The following FAM177A1 variants were observed in gnomAD, a reference collection of about 807,000 sequenced individuals.
FAM177A1 encodes family with sequence similarity 177 member A1.
In FAM177A1, 22 loss-of-function variants were observed where a neutral mutation model predicts 26.1. That is an observed-to-expected ratio of 0.84 (90% CI 0.60 to 1.20). The LOEUF (loss-of-function observed/expected upper bound fraction) is 1.20, where lower values mean the gene tolerates loss of function less well. Among genes scored for constraint, FAM177A1 ranks in the 50% most tolerant of loss-of-function variants. FAM177A1 has a pLI of 0.00. For synonymous variants in FAM177A1, 95 were observed against 99.3 expected, an observed-to-expected ratio of 0.96 and a Z score of 0.26; for missense variants, 296 against 291.1, an observed-to-expected ratio of 1.02 and a Z score of -0.12.
chr14:35,059,355 A>G (rs1299474659), intron 2 of FAM177A1, among the ~76,000 whole-genome samples: 3 of 152,018 alleles, frequency 2.0e-5, no homozygotes, highest in Non-Finnish European at 4.4e-5. Flanking sequence ...TTTTAATCCA[A>G]TCTAACAATC....
At chr14:35,055,402 A>G (rs1427616694) in intron 2 of FAM177A1, among the ~76,000 whole-genome samples, 1 of 151,654 alleles carries the variant, frequency 6.6e-6, no homozygotes, top group Admixed American at 6.6e-5. Context: ...TATTAGGGGT[A>G]CATAACTAGG....
upstream of FAM177A1, chr14:35,046,237 G>GCCCCGCCCCT (rs2044857987): frequency 2.4e-6 from 1 of 409,396 alleles, no homozygotes; most frequent in South Asian, 5.6e-5. Flanking sequence ...GCCCCGCCCC[G>GCCCCGCCCCT]CCCCGCCCCG....
Position 35,077,271 on chromosome 14 carries a change from G to C in FAM177A1, c.406+55G>C. 2.7e-6 allele frequency: 4 copies of C among 1,495,482 alleles called. No individual in the cohort carries two copies. The South Asian group carries it at 4.5e-5, about 17-fold the overall frequency. The allele number at this position is 1,495,482 out of a possible 1,614,324, so 92.6% of individuals were successfully genotyped here. Reference sequence around the variant, plus strand: ...ATTGCTGTAACATGCTTCAGCAACAGGAACTTTGCTAAATAGGATGTTTCC... The same window carrying C: ...ATTGCTGTAACATGCTTCAGCAACACGAACTTTGCTAAATAGGATGTTTCC... On this transcript the variant is annotated intron_variant, in intron 3 of 4. Coordinates refer to ENST00000280987, the MANE Select transcript of FAM177A1 (RefSeq NM_173607.5).
chr14:35,067,713 AT>A (rs770180666), intron 2 of FAM177A1, among the ~76,000 whole-genome samples: 28 of 152,242 alleles, frequency 1.8e-4, no homozygotes, highest in South Asian at 4.1e-4. Flanking sequence ...TTTTGATAAT[AT>A]CCATTTTGAC....
intron 2 of FAM177A1, among the ~76,000 whole-genome samples, chr14:35,070,681 A>G (rs763000750): frequency 6.6e-6 from 1 of 152,190 alleles, no homozygotes; most frequent in Non-Finnish European, 1.5e-5. Context: ...TTTATAGGCA[A>G]ATTTTCTAGT....
At chr14:35,066,012 G>A (rs1172312788) in intron 2 of FAM177A1, among the ~76,000 whole-genome samples, 4 of 151,578 alleles carry the variant, frequency 2.6e-5, no homozygotes, top group African/African-American at 9.7e-5. Flanking sequence ...TAGAAACAAA[G>A]TATTAAAGCC....
chr14:35,063,124 G>A (rs983947474), intron 2 of FAM177A1, among the ~76,000 whole-genome samples: 2 of 132,294 alleles, frequency 1.5e-5, no homozygotes, highest in Admixed American at 8.5e-5. Context: ...TCGCGCCACT[G>A]CACTCCAGCC....
upstream of FAM177A1, chr14:35,045,288 T>C (rs1381767935): frequency 6.6e-6 from 1 of 152,218 alleles, no homozygotes; most frequent in African/African-American, 2.4e-5. Flanking sequence ...AAGGCGTAGA[T>C]GGTTTTCAAA....
chr14:35,079,395 C>T (rs951500881), intron 4 of FAM177A1, among the ~76,000 whole-genome samples: 1 of 152,048 alleles, frequency 6.6e-6, no homozygotes, highest in African/African-American at 2.4e-5. Context: ...GGGTTTGGCA[C>T]AGATAAAAAT....
At position 35,082,343 on chromosome 14, in the gene FAM177A1, GTC is replaced by G. The variant is rs2138578918; in HGVS notation, c.*1119_*1120del. The G allele has an allele frequency of 6.6e-6, 1 of 152,124 alleles. No individual in the cohort carries two copies. The highest frequency in any genetic ancestry group is 1.5e-5 in the Non-Finnish European group (1 of 68,052). 9.4% of individuals were successfully genotyped at this position (152,124 alleles called of 1,614,324 possible). A position where few individuals can be genotyped will look rare whatever the true frequency, so the allele number is the denominator to read the frequency against. The stretch of plus-strand genomic sequence containing the variant: ...AGCCTGGCCAACGTAGTGAAACCCC[GTC>G]TCTACAAAAATACAAAAATTAGCCA... On this transcript the variant is annotated 3_prime_UTR_variant, in exon 5 of 5. Coordinates refer to ENST00000280987, the MANE Select transcript of FAM177A1 (RefSeq NM_173607.5).
chr14:35,071,533 T>C (rs964384888), intron 2 of FAM177A1, among the ~76,000 whole-genome samples: 1 of 152,166 alleles, frequency 6.6e-6, no homozygotes, highest in East Asian at 1.9e-4. Context: ...AATTCTGGCA[T>C]AGACTCTAGC....
At chr14:35,068,296 A>G (rs1015746435) in intron 2 of FAM177A1, among the ~76,000 whole-genome samples, 1 of 152,190 alleles carries the variant, frequency 6.6e-6, no homozygotes, top group Non-Finnish European at 1.5e-5. Context: ...ATAGCAGGTA[A>G]CCATAAAACT....
chr14:35,068,479 T>C (rs1320490622), intron 2 of FAM177A1, among the ~76,000 whole-genome samples: 1 of 152,210 alleles, frequency 6.6e-6, no homozygotes, highest in Non-Finnish European at 1.5e-5. Flanking sequence ...GTTTAGCCAA[T>C]GTGAACCACC....
chr14:35,055,997 A>C (rs2045056232), intron 2 of FAM177A1, among the ~76,000 whole-genome samples: 1 of 151,970 alleles, frequency 6.6e-6, no homozygotes, highest in Non-Finnish European at 1.5e-5. Flanking sequence ...CATATTGGCC[A>C]TTTGTAATCT....
At chr14:35,057,453 C>T (rs2045079352) in intron 2 of FAM177A1, among the ~76,000 whole-genome samples, 1 of 151,916 alleles carries the variant, frequency 6.6e-6, no homozygotes, top group South Asian at 2.1e-4. Context: ...GATCTTGGCT[C>T]ACTGCAACCT....
chr14:35,067,685 A>G (rs2045260369), intron 2 of FAM177A1, among the ~76,000 whole-genome samples: 2 of 152,080 alleles, frequency 1.3e-5, no homozygotes, highest in Non-Finnish European at 2.9e-5. Flanking sequence ...CCTTGCCAAC[A>G]TTTGTTATCT....
chr14:35,076,015 A>G (rs2045389095), intron 2 of FAM177A1, among the ~76,000 whole-genome samples: 1 of 152,212 alleles, frequency 6.6e-6, no homozygotes, highest in Admixed American at 6.5e-5. Flanking sequence ...TAGTTCAACC[A>G]TTGTGGAAGA....
chr14:35,074,260 TCA>T (rs1356786039), intron 2 of FAM177A1, among the ~76,000 whole-genome samples: 1 of 152,184 alleles, frequency 6.6e-6, no homozygotes, highest in South Asian at 2.1e-4. Context: ...TTCTCCCGTC[TCA>T]GTCTCCTGAG....
intron 4 of FAM177A1, among the ~76,000 whole-genome samples, chr14:35,079,581 T>G (rs1458419723): frequency 6.6e-6 from 1 of 152,200 alleles, no homozygotes; most frequent in Non-Finnish European, 1.5e-5. Context: ...AAATCCGTTC[T>G]ACCACTTAAA....
Sources: gnomAD v4.1 joint callset for allele counts (sites outside exome capture counted in the v4.1 genomes callset) on GRCh38, gnomAD v4.1.1 for gene constraint, MANE v1.5 for transcripts, NCBI Gene and HGNC (gene_info 2026-07-23, HGNC 2026-07-21) for gene names.